The following LRRC27 variants were observed in gnomAD, a reference collection of about 807,000 sequenced individuals.
The protein encoded by LRRC27 is leucine-rich repeat-containing protein 27.
A neutral mutation model predicts 55.0 loss-of-function variants in LRRC27; 57 were observed. That is an observed-to-expected ratio of 1.04 (90% CI 0.84 to 1.29). The LOEUF (loss-of-function observed/expected upper bound fraction) is 1.29, where lower values mean the gene tolerates loss of function less well. Ranked by LOEUF, LRRC27 falls within the 50% of genes most tolerant of loss-of-function variation. The pLI is 0.00. For synonymous variants in LRRC27, 278 were observed against 251.9 expected, an observed-to-expected ratio of 1.10 and a Z score of -0.98; for missense variants, 721 against 651.5, an observed-to-expected ratio of 1.11 and a Z score of -1.16.
At chr10:132,365,256 G>C (rs1350343072) in intron 9 of LRRC27, among the ~76,000 whole-genome samples, 168 bp from the exon 10 acceptor site, 19 of 152,244 alleles carry the variant, frequency 1.2e-4, no homozygotes, top group Admixed American at 1.2e-3. Context: ...GTGGGTGCCG[G>C]GGAGGCCCAG....
Position 132,338,999 on chromosome 10 carries a change from CG to C in LRRC27, c.341+1305del, listed in dbSNP as rs2067263085. ...TGCTGGGATGACAGGCATGAGCCCC[CG>C]CGCCCGGCTACCTGAACCTCTTTTG... is the stretch of plus-strand genomic sequence containing the variant. On this transcript the variant is annotated intron_variant, in intron 3 of 10. Coordinates refer to ENST00000368614, the MANE Select transcript of LRRC27 (RefSeq NM_030626.3). Among the ~76,000 whole-genome samples the C allele has an allele frequency of 3.3e-5, 5 of 152,206 alleles. 1 individual carries two copies. In the South Asian group the frequency reaches 1.0e-3, roughly 31 times the overall value.
chr10:132,371,030 G>A lies in LRRC27; in HGVS notation c.1417-4036G>A, dbSNP rs559812039. ...GCCCACCAGCCTGCCGTATGGAGGC[G>A]GGCACGCATGTGCGTGAGACAGTTG... On this transcript the variant is annotated intron_variant, in intron 10 of 10. Coordinates refer to ENST00000368614, the MANE Select transcript of LRRC27 (RefSeq NM_030626.3). 1.3e-4 allele frequency among the ~76,000 whole-genome samples: 20 copies of A among 152,374 alleles called. No homozygotes were observed. The South Asian group carries it at 1.4e-3, about 11-fold the overall frequency.
rs2069321516 is a variant in LRRC27 at position 132,375,318 on chromosome 10, T to C, written c.*76T>C. 2.8e-6 allele frequency: 4 copies of C among 1,409,224 alleles called. No individual in the cohort carries two copies. In the South Asian group the frequency reaches 5.3e-5, roughly 19 times the overall value. 87.3% of individuals were successfully genotyped at this position (1,409,224 alleles called of 1,614,324 possible). A position where few individuals can be genotyped will look rare whatever the true frequency, so the allele number is the denominator to read the frequency against. ...CTTCTTTCCCGGGCGTCGCCTCCTG[T>C]GTGGTGCCGGAAGAGCGCCAGGTTC... On this transcript the variant is annotated 3_prime_UTR_variant, in exon 11 of 11. Coordinates refer to ENST00000368614, the MANE Select transcript of LRRC27 (RefSeq NM_030626.3).
chr10:132,332,050 AC>A, upstream of LRRC27: 1 of 249,762 alleles, frequency 4.0e-6, no homozygotes, highest in Non-Finnish European at 7.6e-6. Context: ...GCAGGCACAA[AC>A]CCCCACAACA....
chr10:132,347,581 G>T (rs1381244728), intron 5 of LRRC27, among the ~76,000 whole-genome samples: 1 of 151,894 alleles, frequency 6.6e-6, no homozygotes, highest in Non-Finnish European at 1.5e-5. Flanking sequence ...GCTCGGTGGG[G>T]CCTGCGTGGG....
intron 2 of LRRC27, among the ~76,000 whole-genome samples, chr10:132,335,481 G>A (rs895200216): frequency 2.0e-5 from 3 of 151,582 alleles, no homozygotes; most frequent in Non-Finnish European, 4.4e-5. Context: ...ACTATGGGGG[G>A]GGGTCACAGT....
At chr10:132,346,951 C>T (rs932508894) in intron 5 of LRRC27, among the ~76,000 whole-genome samples, 6 of 152,230 alleles carry the variant, frequency 3.9e-5, no homozygotes, top group Admixed American at 2.6e-4. Context: ...GATGTCCATG[C>T]GCCTGTGTCC....
intron 2 of LRRC27, chr10:132,337,214 G>A: frequency 8.5e-7 from 1 of 1,175,696 alleles, no homozygotes; most frequent in Non-Finnish European, 1.1e-6. Context: ...AGGTGCTGCG[G>A]CAGGCACTGG....
chr10:132,357,965 C>T (rs961103456), intron 8 of LRRC27, among the ~76,000 whole-genome samples: 29 of 152,184 alleles, frequency 1.9e-4, no homozygotes, highest in African/African-American at 5.8e-4. Context: ...GGCAGCTGAA[C>T]GCATGGAGAG....
At chr10:132,353,281 T>G in intron 7 of LRRC27, 4 of 1,220,824 alleles carry the variant, frequency 3.3e-6, no homozygotes, top group Non-Finnish European at 3.1e-6. Flanking sequence ...CAATCTCTCC[T>G]TCCCTGGTCT....
chr10:132,363,275 C>T (rs573023437), intron 9 of LRRC27, among the ~76,000 whole-genome samples: 12 of 151,002 alleles, frequency 7.9e-5, no homozygotes, highest in Middle Eastern at 3.4e-3. Context: ...CACAGCTGCT[C>T]GGGGGTCCGG....
rs777498178 is a variant in LRRC27, at chr10:132,365,360, C to T, written c.1290-64C>T. 1.3e-5 allele frequency: 20 copies of T among 1,586,130 alleles called. No individual in the cohort carries two copies. In the East Asian group the frequency reaches 1.4e-4, roughly 11 times the overall value. On this transcript the variant is annotated intron_variant, in intron 9 of 10. Coordinates refer to ENST00000368614, the MANE Select transcript of LRRC27 (RefSeq NM_030626.3). ...GCACATGCTTTCTCCCTGGTTATGG[C>T]GGGAGTTGCTAGGATGAGAGTAAAT...
chr10:132,339,732 A>G (rs2067311541), intron 3 of LRRC27, among the ~76,000 whole-genome samples: 1 of 152,210 alleles, frequency 6.6e-6, no homozygotes, highest in Admixed American at 6.5e-5. Flanking sequence ...TTTTGTCCAC[A>G]AATTGTTTTA....
At chr10:132,346,310 G>GT (rs2067683684) in intron 5 of LRRC27, among the ~76,000 whole-genome samples, 1 of 152,148 alleles carries the variant, frequency 6.6e-6, no homozygotes. Flanking sequence ...TTTCTATTAG[G>GT]TTTTAGGGCC....
chr10:132,343,026 G>T lies in LRRC27; in HGVS notation c.400+755G>T, dbSNP rs192830226. Among the ~76,000 whole-genome samples, 260 of 152,332 alleles carry T rather than the reference G, an allele frequency of 1.7e-3. 1 individual carries two copies. Among genetic ancestry groups the T allele is most frequent in the Middle Eastern group, 6.8e-3 (2 of 294 alleles). ...CTCATTAGTTTAAAAGAACAGTTGA[G>T]ACCACGCATAGTGGCTCATGCCTGT... On this transcript the variant is annotated intron_variant, in intron 4 of 10. Coordinates refer to ENST00000368614, the MANE Select transcript of LRRC27 (RefSeq NM_030626.3).
chr10:132,342,326 A>G, intron 4 of LRRC27, 55 bp downstream of exon 4: 1 of 1,167,084 alleles, frequency 8.6e-7, no homozygotes, highest in African/African-American at 1.6e-5. Flanking sequence ...TGAACTTGCC[A>G]GACCTTGTAA....
At position 132,343,575 on chromosome 10, in the gene LRRC27, A is replaced by G. The variant is rs142686464; in HGVS notation, c.401-923A>G. 4.7e-4 allele frequency among the ~76,000 whole-genome samples: 71 copies of G among 152,374 alleles called. 2 individuals are homozygous for G. The East Asian group carries it at 0.013, about 28-fold the overall frequency. On this transcript the variant is annotated intron_variant, in intron 4 of 10. Transcript: ENST00000368614. ...AGGATTTGATAAGGAAACGAATTTC[A>G]TTTAGATAGGTAGCTTCTAGTTTAG...
intron 8 of LRRC27, among the ~76,000 whole-genome samples, chr10:132,356,752 A>G (rs1237218443): frequency 1.3e-5 from 2 of 152,252 alleles, no homozygotes; most frequent in East Asian, 1.9e-4. Context: ...AGCTGCGGGC[A>G]TGGGCCGTGG....
intron 3 of LRRC27, among the ~76,000 whole-genome samples, chr10:132,340,544 G>C (rs952344289): frequency 6.6e-6 from 1 of 152,120 alleles, no homozygotes; most frequent in African/African-American, 2.4e-5. Context: ...TGTTCTTGTT[G>C]GCTGGTTTTA....
Sources: allele counts gnomAD v4.1 joint callset (sites outside exome capture counted in the v4.1 genomes callset), GRCh38; gene constraint gnomAD v4.1.1; transcripts MANE v1.5; gene names NCBI Gene and HGNC (gene_info 2026-07-23, HGNC 2026-07-21).